The following WDR64 variants were observed in gnomAD, a reference collection of about 807,000 sequenced individuals.
The protein encoded by WDR64 is WD repeat domain 64.
In WDR64, 112 loss-of-function variants were observed where a neutral mutation model predicts 139.3. The observed-to-expected ratio is 0.80, with a 90% confidence interval of 0.69 to 0.94. The LOEUF is 0.94. Ranked by LOEUF, WDR64 falls within the 40% of genes least tolerant of loss-of-function variation. The probability of loss-of-function intolerance (pLI) is 0.00; values close to 1 mark genes in which losing one functional copy is unlikely to be tolerated. For synonymous variants in WDR64, 444 were observed against 437.7 expected (o/e 1.01, Z -0.18); for missense variants, 1,206 against 1,293.1 (o/e 0.93, Z 1.03).
At chr1:241,697,032 C>T (rs1328914207) in intron 8 of WDR64, among the ~76,000 whole-genome samples, 3 of 152,134 alleles carry the variant, frequency 2.0e-5, no homozygotes, top group Non-Finnish European at 2.9e-5. Flanking sequence ...GACCTAGACC[C>T]CAGGTTATTC....
intron 21 of WDR64, among the ~76,000 whole-genome samples, chr1:241,776,520 T>C (rs1658659897): frequency 6.6e-6 from 1 of 152,216 alleles, no homozygotes; most frequent in Non-Finnish European, 1.5e-5. Flanking sequence ...ATCCCTGTTT[T>C]TCCTGGAGTT....
intron 10 of WDR64, among the ~76,000 whole-genome samples, chr1:241,725,445 C>A (rs1195457066): frequency 6.6e-6 from 1 of 152,024 alleles, no homozygotes; most frequent in East Asian, 1.9e-4. Flanking sequence ...CACCCCCTAC[C>A]CCTCATACAC....
At chr1:241,707,093 C>T (rs546611013) in intron 8 of WDR64, among the ~76,000 whole-genome samples, 1 of 152,274 alleles carries the variant, frequency 6.6e-6, no homozygotes, top group African/African-American at 2.4e-5. Context: ...TCATACCCAA[C>T]CCCTTCTCCC....
intron 8 of WDR64, among the ~76,000 whole-genome samples, chr1:241,704,238 G>A (rs1448987978): frequency 6.6e-6 from 1 of 152,140 alleles, no homozygotes; most frequent in African/African-American, 2.4e-5. Flanking sequence ...CCTGAGAAGG[G>A]AGCATAGTGT....
At chr1:241,652,985 T>C (rs10926526) in intron 1 of WDR64, among the ~76,000 whole-genome samples, 8,234 of 152,312 alleles carry the variant, frequency 0.054, 748 homozygotes, top group African/African-American at 0.19. Context: ...GCACTGCTTT[T>C]TCTTAGCCTA....
chr1:241,787,744 A>G, intron 23 of WDR64, 105 bp from the exon 24 acceptor site: 4 of 973,530 alleles, frequency 4.1e-6, no homozygotes, highest in Non-Finnish European at 5.9e-6. Context: ...AAGTAAAAAA[A>G]TCCTTGATGG....
At chr1:241,758,879 G>C (rs995763317) in intron 15 of WDR64, among the ~76,000 whole-genome samples, 13 of 152,088 alleles carry the variant, frequency 8.5e-5, no homozygotes, top group Non-Finnish European at 1.5e-5. Flanking sequence ...CAGTAGGTTG[G>C]TTCTTATTTT....
intron 10 of WDR64, among the ~76,000 whole-genome samples, chr1:241,728,977 T>G (rs1668967562): frequency 6.6e-6 from 1 of 152,336 alleles, no homozygotes; most frequent in Non-Finnish European, 1.5e-5. Context: ...ATTGTGAGTG[T>G]GCATATCTTC....
rs150784194 is a variant in WDR64, at chr1:241,686,695, G to A, written c.840-766G>A. On this transcript the variant is annotated intron_variant, in intron 7 of 27. Coordinates refer to ENST00000437684, the MANE Select transcript of WDR64 (RefSeq NM_001367482.1). ...TTTGTGAACTGATGGCCAACACTCT[G>A]ACAAGGAATATTATCACTATCCCCC... 2.6e-3 allele frequency among the ~76,000 whole-genome samples: 401 copies of A among 152,242 alleles called. 3 individuals carry two copies. Among genetic ancestry groups the A allele is most frequent in the African/African-American group, 9.3e-3 (386 of 41,550 alleles).
At chr1:241,735,533 C>CTCCCTTTT (rs1553373537) in intron 10 of WDR64, among the ~76,000 whole-genome samples, 33 of 103,494 alleles carry the variant, frequency 3.2e-4, no homozygotes, top group Admixed American at 1.9e-3. Flanking sequence ...CTCTCTCTCT[C>CTCCCTTTT]TTTTTTTTTT....
At chr1:241,665,041 A>AAGAAGG (rs1374173160) in intron 2 of WDR64, among the ~76,000 whole-genome samples, 4 of 151,436 alleles carry the variant, frequency 2.6e-5, no homozygotes. Context: ...TATGAAGAAG[A>AAGAAGG]AGAAGGAGAA....
chr1:241,652,397 G>A lies in WDR64; in HGVS notation c.-88G>A. 1 of 1,365,212 alleles carries A rather than the reference G, an allele frequency of 7.3e-7. No individual in the cohort carries two copies. Among genetic ancestry groups the A allele is most frequent in the Non-Finnish European group, 9.9e-7 (1 of 1,010,032 alleles). The allele number at this position is 1,365,212 out of a possible 1,614,324, so 84.6% of individuals were successfully genotyped here. A position where few individuals can be genotyped will look rare whatever the true frequency, so the allele number is the denominator to read the frequency against. ...CCTAGGGCAAAAACTGAGACAGCAG[G>A]GAGGCACTGTAACAACTGGAAAGTT... On this transcript the variant is annotated 5_prime_UTR_variant, in exon 1 of 28. Coordinates refer to ENST00000437684, the MANE Select transcript of WDR64 (RefSeq NM_001367482.1).
chr1:241,659,906 G>A (rs994906553), intron 1 of WDR64, among the ~76,000 whole-genome samples: 3 of 152,256 alleles, frequency 2.0e-5, no homozygotes, highest in East Asian at 3.9e-4. Context: ...AAGCTCTTAA[G>A]TTTAATTAGA....
chr1:241,702,771 A>G (rs1440883552), intron 8 of WDR64, among the ~76,000 whole-genome samples: 6 of 152,252 alleles, frequency 3.9e-5, no homozygotes, highest in Admixed American at 6.5e-5. Flanking sequence ...TAAAATTGAT[A>G]TGAAATTTAA....
intron 21 of WDR64, among the ~76,000 whole-genome samples, chr1:241,778,630 T>C (rs1248452798): frequency 6.6e-6 from 1 of 152,196 alleles, no homozygotes; most frequent in African/African-American, 2.4e-5. Context: ...ATTGAGCATT[T>C]TGTGTGATTC....
intron 16 of WDR64, among the ~76,000 whole-genome samples, chr1:241,767,907 C>T (rs1421763551): frequency 6.6e-6 from 1 of 152,132 alleles, no homozygotes; most frequent in Non-Finnish European, 1.5e-5. Context: ...GCCCATGCCC[C>T]CAGCCTTTTC....
At chr1:241,766,730 A>G (rs1391643863) in intron 16 of WDR64, among the ~76,000 whole-genome samples, 2 of 150,570 alleles carry the variant, frequency 1.3e-5, no homozygotes, top group South Asian at 2.1e-4. Context: ...ACCTCAGGGG[A>G]CAAAAAAGCA....
intron 20 of WDR64, among the ~76,000 whole-genome samples, chr1:241,773,306 T>A (rs114522827): frequency 6.6e-6 from 1 of 152,186 alleles, no homozygotes; most frequent in Non-Finnish European, 1.5e-5. Context: ...AGCCTCACAG[T>A]TGGAATTTCT....
intron 3 of WDR64, among the ~76,000 whole-genome samples, chr1:241,672,955 G>A (rs1666291218): frequency 2.0e-5 from 3 of 152,294 alleles, no homozygotes; most frequent in Admixed American, 6.5e-5. Context: ...GTGGATAGAG[G>A]AGGGAGTCAC....
Sources: gnomAD v4.1 joint callset for allele counts (sites outside exome capture counted in the v4.1 genomes callset) on GRCh38, gnomAD v4.1.1 for gene constraint, MANE v1.5 for transcripts, NCBI Gene and HGNC (gene_info 2026-07-23, HGNC 2026-07-21) for gene names.